SCG3: variants seen among roughly 807,000 people sequenced by gnomAD.
SCG3 encodes secretogranin-3.
SCG3 carries 38 observed loss-of-function variants against 56.2 expected under a neutral mutation model. That is an observed-to-expected ratio of 0.68 (90% CI 0.52 to 0.89). The LOEUF is 0.89. Ranked by LOEUF, SCG3 falls within the 40% of genes least tolerant of loss-of-function variation. The probability of loss-of-function intolerance (pLI) is 0.00; values close to 1 mark genes in which losing one functional copy is unlikely to be tolerated. For missense variants in SCG3, 524 were observed against 540.7 expected (o/e 0.97, Z 0.31); for synonymous variants, 176 against 184.2 (o/e 0.96, Z 0.36).
intron 10 of SCG3, chr15:51,707,993 T>G (rs937758481): frequency 6.6e-6 from 1 of 152,166 alleles, no homozygotes; most frequent in Non-Finnish European, 1.5e-5. Context: ...CAGGACAGCA[T>G]AGTAGAGGAA....
chr15:51,709,705 T>A (rs866313507), intron 10 of SCG3, among the ~76,000 whole-genome samples: 114 of 15,728 alleles, frequency 7.2e-3, no homozygotes, highest in East Asian at 0.019. Flanking sequence ...ATATATATTT[T>A]TTTTTTTTTT....
At chr15:51,690,140 G>C (rs1241644723) in intron 6 of SCG3, among the ~76,000 whole-genome samples, 3 of 152,144 alleles carry the variant, frequency 2.0e-5, no homozygotes, top group Admixed American at 1.3e-4. Flanking sequence ...GTGTTCCCCA[G>C]AGCTAGCTGC....
intron 10 of SCG3, among the ~76,000 whole-genome samples, chr15:51,707,148 T>G: frequency 6.6e-6 from 1 of 152,110 alleles, no homozygotes; most frequent in Admixed American, 6.5e-5. Flanking sequence ...AGGGATGAAA[T>G]AAGCATTCTA....
intron 10 of SCG3, among the ~76,000 whole-genome samples, chr15:51,707,772 C>T (rs1288421244): frequency 6.6e-6 from 1 of 152,208 alleles, no homozygotes; most frequent in Non-Finnish European, 1.5e-5. Flanking sequence ...TCTCACAGCT[C>T]CGTGGCCTGT....
chr15:51,696,043 T>A, intron 8 of SCG3, 52 bp downstream of exon 8: 2 of 1,018,534 alleles, frequency 2.0e-6, no homozygotes, highest in South Asian at 1.3e-5. Flanking sequence ...TTGTTCAAAG[T>A]AAATTAGGGA....
At chr15:51,699,238 G>C in intron 8 of SCG3, 81 bp from the exon 9 acceptor site, 2 of 960,626 alleles carry the variant, frequency 2.1e-6, no homozygotes. Flanking sequence ...GATATTTCTG[G>C]TGAGATTTAA....
intron 10 of SCG3, among the ~76,000 whole-genome samples, chr15:51,704,273 A>G (rs2055359098): frequency 7.5e-6 from 1 of 133,824 alleles, no homozygotes; most frequent in African/African-American, 3.0e-5. Context: ...ATATATATAT[A>G]TATATAAAAT....
chr15:51,717,148 T>C (rs1317777460), intron 11 of SCG3, among the ~76,000 whole-genome samples: 1 of 152,046 alleles, frequency 6.6e-6, no homozygotes, highest in East Asian at 1.9e-4. Flanking sequence ...GGTGGGTGGA[T>C]CATGAGGTCA....
chr15:51,696,785 G>T (rs767474950), intron 8 of SCG3, among the ~76,000 whole-genome samples: 1 of 151,970 alleles, frequency 6.6e-6, no homozygotes, highest in Non-Finnish European at 1.5e-5. Context: ...ACTCACTATC[G>T]GAGGACAGCA....
intron 6 of SCG3, among the ~76,000 whole-genome samples, chr15:51,691,694 C>T (rs1382654297): frequency 6.6e-6 from 1 of 152,186 alleles, no homozygotes; most frequent in Non-Finnish European, 1.5e-5. Flanking sequence ...CTCATCCAGA[C>T]AGCACTTAAA....
intron 8 of SCG3, among the ~76,000 whole-genome samples, chr15:51,696,874 A>C (rs777196386): frequency 1.3e-5 from 2 of 152,130 alleles, no homozygotes; most frequent in Non-Finnish European, 2.9e-5. Context: ...CACCTCCAAC[A>C]CTGGGGACTG....
chr15:51,682,465 AT>A (rs1488140094), intron 1 of SCG3, 51 bp from the exon 2 acceptor site: 2 of 953,594 alleles, frequency 2.1e-6, no homozygotes, highest in East Asian at 2.7e-5. Context: ...TAAGAGGCAT[AT>A]TTTGTCCTTC....
intron 8 of SCG3, among the ~76,000 whole-genome samples, chr15:51,697,485 T>A (rs2055311443): frequency 6.6e-6 from 1 of 152,216 alleles, no homozygotes. Context: ...AAATCTAGTT[T>A]CTCAGTTGCA....
chr15:51,716,003 A>G (rs910460721), intron 11 of SCG3, among the ~76,000 whole-genome samples: 5 of 151,938 alleles, frequency 3.3e-5, no homozygotes, highest in East Asian at 1.9e-4. Context: ...GACTACAGGC[A>G]CCCGCCACCA....
At chr15:51,686,314 T>C (rs1037365555) in intron 4 of SCG3, among the ~76,000 whole-genome samples, 2 of 152,214 alleles carry the variant, frequency 1.3e-5, no homozygotes, top group Non-Finnish European at 2.9e-5. Context: ...AAAGCACTGC[T>C]AGGGGAGACC....
chr15:51,683,965 C>T (rs74317376), intron 4 of SCG3, among the ~76,000 whole-genome samples: 3,239 of 152,194 alleles, frequency 0.021, 90 homozygotes, highest in East Asian at 0.095. Context: ...TTTACCTATT[C>T]GACATTTTCC....
At chr15:51,719,365 C>T (rs1368311798) in intron 11 of SCG3, 43 bp from the exon 12 acceptor site, 4 of 1,418,722 alleles carry the variant, frequency 2.8e-6, no homozygotes, top group South Asian at 2.3e-5. Context: ...TGGGATTGGC[C>T]TTTCCTGATC....
At chr15:51,696,151 C>A (rs1450352411) in intron 8 of SCG3, among the ~76,000 whole-genome samples, 160 bp downstream of exon 8, 3 of 152,122 alleles carry the variant, frequency 2.0e-5, no homozygotes, top group Admixed American at 1.3e-4. Flanking sequence ...ATAAAATTAA[C>A]TTTTTCAACT....
chr15:51,714,583 G>C (rs2055441446), intron 11 of SCG3, among the ~76,000 whole-genome samples: 1 of 152,154 alleles, frequency 6.6e-6, no homozygotes, highest in Admixed American at 6.5e-5. Context: ...AAATCACCTG[G>C]GGAACTTCTT....
Sources: gnomAD v4.1 joint callset for allele counts (sites outside exome capture counted in the v4.1 genomes callset) on GRCh38, gnomAD v4.1.1 for gene constraint, MANE v1.5 for transcripts, NCBI Gene and HGNC (gene_info 2026-07-23, HGNC 2026-07-21) for gene names.